LGSN: variants seen among roughly 807,000 people sequenced by gnomAD.
LGSN encodes lengsin.
In LGSN, 21 loss-of-function variants were observed where a neutral mutation model predicts 19.5. That is an observed-to-expected ratio of 1.07 (90% confidence interval 0.76 to 1.55). LGSN has a LOEUF of 1.55. LGSN is among the 40% of genes most tolerant of loss of function. The pLI is 0.00. For synonymous variants in LGSN, 257 were observed against 215.6 expected, an observed-to-expected ratio of 1.19 and a Z score of -1.68; for missense variants, 673 against 608.5, an observed-to-expected ratio of 1.11 and a Z score of -1.12.
At chr6:63,390,506 AT>A in the LGSN span, among the ~76,000 whole-genome samples, 1 of 150,852 alleles carries the variant, frequency 6.6e-6, no homozygotes, top group Non-Finnish European at 1.5e-5. Flanking sequence ...TCATTGTCAG[AT>A]TTTTTTTTAT....
the LGSN span, chr6:63,572,490 G>A: frequency 2.1e-5 from 8 of 387,712 alleles, no homozygotes; most frequent in Non-Finnish European, 3.7e-5. Context: ...GCCTCGGCGC[G>A]TGTATTGGCT....
upstream of LGSN, among the ~76,000 whole-genome samples, chr6:63,321,330 C>A (rs1401522917): frequency 7.2e-5 from 11 of 152,100 alleles, no homozygotes; most frequent in Non-Finnish European, 1.5e-4. Context: ...TGAAAAATTT[C>A]GTTTTTGTTT....
the LGSN span, among the ~76,000 whole-genome samples, chr6:63,412,481 GAGAAGA>G: frequency 3.3e-5 from 3 of 91,454 alleles, no homozygotes; most frequent in African/African-American, 5.2e-5. Context: ...AGAGAAGAAA[GAGAAGA>G]AAGAAAGAAA....
the LGSN span, among the ~76,000 whole-genome samples, chr6:63,390,118 C>CTTTTTTTTTTT: frequency 2.1e-3 from 139 of 66,324 alleles, 2 homozygotes; most frequent in African/African-American, 3.8e-3. Context: ...TTCTTTCTTT[C>CTTTTTTTTTTT]TTTTTTTTTT....
At chr6:63,525,939 C>T in the LGSN span, among the ~76,000 whole-genome samples, 3 of 152,198 alleles carry the variant, frequency 2.0e-5, no homozygotes, top group African/African-American at 7.2e-5. Context: ...CTAAGACAGT[C>T]TCTTCCAATT....
chr6:63,364,251 AAAAC>A, the LGSN span, among the ~76,000 whole-genome samples: 5 of 147,152 alleles, frequency 3.4e-5, no homozygotes, highest in Admixed American at 6.6e-5. Context: ...AAGCAAACGG[AAAAC>A]AAACAAACAA....
At chr6:63,440,701 A>G in the LGSN span, 38 of 152,318 alleles carry the variant, frequency 2.5e-4, no homozygotes, top group South Asian at 3.9e-3. Flanking sequence ...GACCAGCGGC[A>G]TTTCAGCTCA....
the LGSN span, among the ~76,000 whole-genome samples, chr6:63,484,502 C>A: frequency 2.2e-4 from 33 of 152,038 alleles, no homozygotes; most frequent in African/African-American, 8.0e-4. Flanking sequence ...CCAGCCTAAG[C>A]AACAGAGCCA....
At position 63,280,273 on chromosome 6, in the gene LGSN, G is replaced by C. The variant is rs572903370; in HGVS notation, c.1278C>G (p.Ala426=). 6.2e-7 allele frequency: 1 copy of C among 1,614,178 alleles called. No individual in the cohort carries two copies. The highest frequency in any genetic ancestry group is 1.7e-5 in the Admixed American group (1 of 60,026). The change falls in exon 4 of 4, where the codon GCC becomes GCG. Residue 426 remains alanine (A), a synonymous_variant. Transcript: ENST00000370657. Reference sequence around the variant, plus strand: ...TACTGCTATGAAGTCCATCTAAGCCGGCAGCAACAGTTGCAGCCAGCACCA... The same window carrying C: ...TACTGCTATGAAGTCCATCTAAGCCCGCAGCAACAGTTGCAGCCAGCACCA... The part of the protein sequence containing the change: ...PYLVLAATVA[A]GLDGLHSSNE...
At chr6:63,303,559 T>C (rs1768268153) in intron 1 of LGSN, among the ~76,000 whole-genome samples, 1 of 152,256 alleles carries the variant, frequency 6.6e-6, no homozygotes, top group African/African-American at 2.4e-5. Context: ...TGACCATTTA[T>C]GAAATAGTCA....
chr6:63,526,831 A>ATT, the LGSN span, among the ~76,000 whole-genome samples: 7 of 132,352 alleles, frequency 5.3e-5, no homozygotes, highest in African/African-American at 9.2e-5. Context: ...ATATATATAT[A>ATT]TATATTTATT....
At chr6:63,320,931 A>G (rs893393215), upstream of LGSN, among the ~76,000 whole-genome samples, 3 of 152,054 alleles carry the variant, frequency 2.0e-5, no homozygotes, top group African/African-American at 4.8e-5. Flanking sequence ...AACTATTCCT[A>G]TTTCCATTCC....
chr6:63,428,598 G>A, the LGSN span, among the ~76,000 whole-genome samples: 6 of 152,040 alleles, frequency 3.9e-5, no homozygotes, highest in African/African-American at 7.2e-5. Context: ...TGATCCACCC[G>A]CCTTGGCCTC....
intron 1 of LGSN, among the ~76,000 whole-genome samples, chr6:63,302,794 C>A (rs1461790537): frequency 1.3e-5 from 2 of 152,112 alleles, no homozygotes; most frequent in Non-Finnish European, 2.9e-5. Flanking sequence ...TGGAGAGCTG[C>A]CTGGTCCTTC....
In LGSN at chr6:63,294,910, T is replaced by C; in HGVS notation, c.163+3A>G. ...TTTTTGAGGACTCAGAGTAGTTAGA[T>C]ACCATTTGAATTGGACATATCCGTT... On this transcript the variant is annotated splice_donor_region_variant and intron_variant, in intron 2 of 3. Coordinates refer to ENST00000370657, the MANE Select transcript of LGSN (RefSeq NM_016571.3). 6.2e-7 allele frequency: 1 copy of C among 1,613,840 alleles called. No homozygotes were observed. The highest frequency in any genetic ancestry group is 1.7e-5 in the Admixed American group (1 of 60,016).
intron 2 of LGSN, among the ~76,000 whole-genome samples, chr6:63,287,289 G>A (rs1767577200): frequency 6.6e-6 from 1 of 152,210 alleles, no homozygotes; most frequent in Admixed American, 6.5e-5. Context: ...AGCAATTAAA[G>A]TATTTCATGC....
At chr6:63,298,429 C>T (rs1582035585) in intron 1 of LGSN, among the ~76,000 whole-genome samples, 1 of 152,180 alleles carries the variant, frequency 6.6e-6, no homozygotes, top group East Asian at 1.9e-4. Flanking sequence ...GTTAGACAAA[C>T]TGGCAGTAAA....
rs569276112 is a variant in LGSN, at chr6:63,292,890, A to G, written c.163+2023T>C. Among the ~76,000 whole-genome samples the G allele has an allele frequency of 5.3e-5, 8 of 152,334 alleles. No individual in the cohort carries two copies. The East Asian group carries it at 1.5e-3, about 29-fold the overall frequency. On this transcript the variant is annotated intron_variant, in intron 2 of 3. Transcript: ENST00000370657. ...TAACTTGGGGGATTCCAAAACTTGT[A>G]ATTGGTGTCAGAAATGAGGGTAATG...
chr6:63,502,578 GATA>G, the LGSN span, among the ~76,000 whole-genome samples: 2 of 152,166 alleles, frequency 1.3e-5, no homozygotes, highest in African/African-American at 4.8e-5. Flanking sequence ...GATCGTTCAG[GATA>G]ATGATACAGA....
Sources: allele counts gnomAD v4.1 joint callset (sites outside exome capture counted in the v4.1 genomes callset), GRCh38; gene constraint gnomAD v4.1.1; transcripts MANE v1.5; gene names NCBI Gene and HGNC (gene_info 2026-07-23, HGNC 2026-07-21).